The following LMO2 variants were observed in gnomAD, a reference collection of about 807,000 sequenced individuals.
LMO2 encodes rhombotin-2.
Under a neutral mutation model 23.2 loss-of-function variants are expected in LMO2, and 20 were observed. The ratio of observed to expected loss-of-function variants is 0.86; its 90% CI spans 0.61 to 1.25. LMO2 has a LOEUF of 1.25. Among genes scored for constraint, LMO2 ranks in the 50% most tolerant of loss-of-function variants. The pLI, the probability that LMO2 is intolerant of heterozygous loss-of-function variation, is 0.00. For synonymous variants in LMO2, 123 were observed against 130.2 expected (o/e 0.94, Z 0.38); for missense variants, 270 against 315.3 (o/e 0.86, Z 1.09).
intron 2 of LMO2, among the ~76,000 whole-genome samples, chr11:33,874,567 TAGCTGTTGG>T (rs1857093065): frequency 3.3e-5 from 5 of 152,364 alleles, no homozygotes; most frequent in Non-Finnish European, 7.3e-5. Context: ...TCAGAAACGA[TAGCTGTTGG>T]TATTACCCCA....
rs1045017549 is a variant in LMO2, at chr11:33,880,943, T to A, written c.-272+881A>T. On this transcript the variant is annotated intron_variant, in intron 2 of 5. Coordinates refer to ENST00000257818, the MANE Select transcript of LMO2 (RefSeq NM_005574.4). This position sits in a 1 kb window ranked among gnomAD's most constrained non-coding sequence, Gnocchi z 4.3. Reference sequence around the variant, plus strand: ...CTCATCCCTGACTTCTGGATAAACTTCTTTGCAGAAGCCCATTTGACTCCA... The same window carrying A: ...CTCATCCCTGACTTCTGGATAAACTACTTTGCAGAAGCCCATTTGACTCCA... 2.6e-5 allele frequency: 9 copies of A among 343,250 alleles called. No homozygotes were observed. Among genetic ancestry groups the A allele is most frequent in the Non-Finnish European group, 4.6e-5 (8 of 174,664 alleles). The allele number at this position is 343,250 out of a possible 1,614,324, so 21.3% of individuals were successfully genotyped here.
Position 33,869,136 on chromosome 11 carries a change from C to G in LMO2, c.248+210G>C, listed in dbSNP as rs576174964. Reference sequence around the variant, plus strand: ...GCCCGCAGAGGCGCCGGGCCGACCCCTGTCCCTGCCGCCCGCCGCCCAGTC... The same window carrying G: ...GCCCGCAGAGGCGCCGGGCCGACCCGTGTCCCTGCCGCCCGCCGCCCAGTC... On this transcript the variant is annotated intron_variant, in intron 4 of 5. Transcript: ENST00000257818. 2.7e-3 allele frequency among the ~76,000 whole-genome samples: 407 copies of G among 152,296 alleles called. 3 individuals carry two copies. Among genetic ancestry groups the G allele is most frequent in the African/African-American group, 9.4e-3 (389 of 41,580 alleles).
Position 33,880,350 on chromosome 11 carries a change from GAA to G in LMO2, c.-272+1472_-272+1473del, listed in dbSNP as rs1483470701. 6.6e-6 allele frequency among the ~76,000 whole-genome samples: 1 copy of G among 150,624 alleles called. No homozygotes were observed. Among genetic ancestry groups the G allele is most frequent in the Non-Finnish European group, 1.5e-5 (1 of 67,812 alleles). On this transcript the variant is annotated intron_variant, in intron 2 of 5. Transcript: ENST00000257818. The surrounding 1 kb of genome is among the most constrained non-coding windows in gnomAD (Gnocchi z 4.3). ...AACACATATGATTCCACCTTAAAGA[GAA>G]AGGAAATTCTGACATAAGCTACAAC...
In LMO2 at chr11:33,859,401, G is replaced by C. The variant is rs540368963; in HGVS notation, c.639C>G (p.Cys213Trp). Residue 213 changes from cysteine to tryptophan, a missense_variant, in exon 6 of 6, where the codon TGC becomes TGG. Coordinates refer to ENST00000257818, the MANE Select transcript of LMO2 (RefSeq NM_005574.4). ...TAGTCCACTCGTAGATGTCCTGTTC[G>C]CACACTATGTCAGAGTTGATGAGGA... is the stretch of plus-strand genomic sequence containing the variant. ...RYLLINSDIV[C>W]EQDIYEWTKI... The C allele has an allele frequency of 1.2e-6, 2 of 1,613,982 alleles. No homozygotes were observed. Among genetic ancestry groups the C allele is most frequent in the Admixed American group, 1.7e-5 (1 of 60,012 alleles).
At chr11:33,890,226 C>T (rs1857512197) in intron 1 of LMO2, among the ~76,000 whole-genome samples, 1 of 152,158 alleles carries the variant, frequency 6.6e-6, no homozygotes, top group South Asian at 2.1e-4. Flanking sequence ...AGATATCAAT[C>T]TGGTGATAGA....
chr11:33,870,655 T>A, intron 2 of LMO2: 1 of 822,286 alleles, frequency 1.2e-6, no homozygotes, highest in Non-Finnish European at 1.5e-6. Context: ...AGTCGGCTGG[T>A]GGCGGAATCC....
intron 4 of LMO2, among the ~76,000 whole-genome samples, chr11:33,868,473 C>T (rs985089919): frequency 2.0e-5 from 3 of 152,140 alleles, no homozygotes; most frequent in Non-Finnish European, 4.4e-5. Context: ...AGGGCATTTG[C>T]GTTGACAGGA....
At chr11:33,869,170 A>G (rs1480288482) in intron 4 of LMO2, among the ~76,000 whole-genome samples, 176 bp downstream of exon 4, 1 of 151,864 alleles carries the variant, frequency 6.6e-6, no homozygotes, top group African/African-American at 2.4e-5. Flanking sequence ...TCCCTCTCCC[A>G]GAGCCCCCGG....
At chr11:33,878,886 G>A (rs1857198553) in intron 2 of LMO2, among the ~76,000 whole-genome samples, 1 of 152,052 alleles carries the variant, frequency 6.6e-6, no homozygotes, top group Non-Finnish European at 1.5e-5. Flanking sequence ...TAGCTCCCAG[G>A]GTACTGATAT....
At chr11:33,885,478 G>A (rs959217367) in intron 1 of LMO2, among the ~76,000 whole-genome samples, 2 of 152,224 alleles carry the variant, frequency 1.3e-5, no homozygotes, top group Non-Finnish European at 1.5e-5. Flanking sequence ...GCTCATGGGG[G>A]CAGATAGGAG....
chr11:33,871,101 C>T (rs977049076), intron 2 of LMO2: 2 of 980,920 alleles, frequency 2.0e-6, no homozygotes, highest in Non-Finnish European at 2.4e-6. Flanking sequence ...TTTCTGTTCC[C>T]ATTTTAAGGA....
chr11:33,871,038 C>T (rs1565030030), intron 2 of LMO2: 1 of 981,984 alleles, frequency 1.0e-6, no homozygotes, highest in South Asian at 4.7e-5. Flanking sequence ...AAAGAGGGAA[C>T]GTACTTTCAG....
intron 2 of LMO2, among the ~76,000 whole-genome samples, chr11:33,870,724 G>A (rs1856997321): frequency 6.6e-6 from 1 of 152,226 alleles, no homozygotes; most frequent in African/African-American, 2.4e-5. Context: ...CCCATGTAAA[G>A]TGCCAGTAGT....
rs945784070 is a variant in LMO2 at position 33,870,244 on chromosome 11, C to T, written c.-271-257G>A. 2 of 592,264 alleles carry T rather than the reference C, an allele frequency of 3.4e-6. 1 individual carries two copies. Among genetic ancestry groups the T allele is most frequent in the African/African-American group, 4.0e-5 (2 of 49,574 alleles). 36.7% of individuals were successfully genotyped at this position (592,264 alleles called of 1,614,324 possible). A position where few individuals can be genotyped will look rare whatever the true frequency, so the allele number is the denominator to read the frequency against. ...ACCACTAAATCATTCTTCAGGGCTT[C>T]CCCTCTTCCGCCTTTCCCTTTTGGT... On this transcript the variant is annotated intron_variant, in intron 2 of 5. Transcript: ENST00000257818.
Position 33,864,943 on chromosome 11 carries a change from G to T in LMO2, c.249-126C>A. The T allele has an allele frequency of 2.4e-6, 2 of 839,438 alleles. No individual in the cohort carries two copies. The highest frequency in any genetic ancestry group is 3.9e-6 in the Non-Finnish European group (2 of 508,166). 52.0% of individuals were successfully genotyped at this position (839,438 alleles called of 1,614,324 possible). A position where few individuals can be genotyped will look rare whatever the true frequency, so the allele number is the denominator to read the frequency against. On this transcript the variant is annotated intron_variant, in intron 4 of 5. Coordinates refer to ENST00000257818, the MANE Select transcript of LMO2 (RefSeq NM_005574.4). This position sits in a 1 kb window ranked among gnomAD's most constrained non-coding sequence, Gnocchi z 4.8. ...CCTTTCAGTGACCTAAGGGAGAAGG[G>T]ACAGGACAACACATCCCTTGGCCAG...
In LMO2 at chr11:33,880,548, T is replaced by G. The variant is rs1857257493; in HGVS notation, c.-272+1276A>C. The G allele has an allele frequency of 6.6e-6, 1 of 152,176 alleles. No individual in the cohort carries two copies. The allele number at this position is 152,176 out of a possible 1,614,324, so 9.4% of individuals were successfully genotyped here. A position where few individuals can be genotyped will look rare whatever the true frequency, so the allele number is the denominator to read the frequency against. ...TAGTTATTGTTTAATGGACAAAACA[T>G]TTCAGTTGGAAAACATTAAAAAGTT... On this transcript the variant is annotated intron_variant, in intron 2 of 5. Coordinates refer to ENST00000257818, the MANE Select transcript of LMO2 (RefSeq NM_005574.4). This position sits in a 1 kb window ranked among gnomAD's most constrained non-coding sequence, Gnocchi z 4.3.
In LMO2 at chr11:33,864,774, T is replaced by C; in HGVS notation, c.292A>G (p.Thr98Ala). Residue 98 changes from threonine (T) to alanine (A), a missense_variant, in exon 5 of 6, where the codon ACA becomes GCA. By Grantham distance (58) the Thr-to-Ala change is moderately conservative (BLOSUM62 0). Coordinates refer to ENST00000257818, the MANE Select transcript of LMO2 (RefSeq NM_005574.4). This position sits in a 1 kb window ranked among gnomAD's most constrained non-coding sequence, Gnocchi z 4.8. ...EVLQIPPSLL[T>A]CGGCQQNIGD... Reference sequence around the variant, plus strand: ...ATGTTCTGCTGGCAGCCGCCGCATGTCAGCAGGGATGGGGGGATCTGCAGC... The same window carrying C: ...ATGTTCTGCTGGCAGCCGCCGCATGCCAGCAGGGATGGGGGGATCTGCAGC... The C allele has an allele frequency of 6.2e-7, 1 of 1,613,866 alleles. No homozygotes were observed. The highest frequency in any genetic ancestry group is 1.1e-5 in the South Asian group (1 of 91,078).
intron 5 of LMO2, among the ~76,000 whole-genome samples, chr11:33,863,271 G>A (rs1856650561): frequency 6.6e-6 from 1 of 152,088 alleles, no homozygotes; most frequent in African/African-American, 2.4e-5. Context: ...CATGATCATT[G>A]CAAAATCCTA....
At chr11:33,860,033 C>G (rs1590625492) in intron 5 of LMO2, among the ~76,000 whole-genome samples, 1 of 152,128 alleles carries the variant, frequency 6.6e-6, no homozygotes, top group East Asian at 1.9e-4. Context: ...TCTGAGGCTC[C>G]CAAACTCTAT....
Sources: allele counts gnomAD v4.1 joint callset (sites outside exome capture counted in the v4.1 genomes callset), GRCh38; gene constraint gnomAD v4.1.1; non-coding constraint Gnocchi (gnomAD v3.1); transcripts MANE v1.5; gene names NCBI Gene and HGNC (gene_info 2026-07-23, HGNC 2026-07-21).